Variants in EHBP1 observed in about 807,000 individuals in gnomAD.
The protein encoded by EHBP1 is EH domain-binding protein 1.
A neutral mutation model predicts 144.0 loss-of-function variants in EHBP1; 55 were observed. That is an observed-to-expected ratio of 0.38 (90% CI 0.31 to 0.48). EHBP1 has a LOEUF of 0.48. EHBP1 is among the 20% of genes least tolerant of loss of function. The pLI is 0.98. For synonymous variants in EHBP1, 469 were observed against 472.7 expected (o/e 0.99, Z 0.10); for missense variants, 1,200 against 1,364.2 (o/e 0.88, Z 1.90).
intron 2 of EHBP1, among the ~76,000 whole-genome samples, chr2:62,716,097 C>T (rs552377870): frequency 6.6e-6 from 1 of 152,254 alleles, no homozygotes; most frequent in South Asian, 2.1e-4. Flanking sequence ...TGGTTTCTTT[C>T]AGATCTTGAC....
At chr2:62,863,752 C>T (rs770477296) in intron 8 of EHBP1, among the ~76,000 whole-genome samples, 21 of 149,860 alleles carry the variant, frequency 1.4e-4, no homozygotes, top group Admixed American at 4.7e-4. Context: ...TCTGTGCTTA[C>T]GTAAATATCA....
At chr2:62,837,165 A>G (rs886206020) in intron 7 of EHBP1, among the ~76,000 whole-genome samples, 1 of 148,398 alleles carries the variant, frequency 6.7e-6, no homozygotes, top group Non-Finnish European at 1.5e-5. Flanking sequence ...ACAAGCCAGA[A>G]GAGAGTGGGG....
At chr2:62,960,902 T>G (rs1233153005) in intron 14 of EHBP1, among the ~76,000 whole-genome samples, 1 of 152,342 alleles carries the variant, frequency 6.6e-6, no homozygotes, top group East Asian at 1.9e-4. Context: ...AATCGTACAT[T>G]ATGATACCTT....
At chr2:62,794,407 G>A (rs776653705) in intron 5 of EHBP1, among the ~76,000 whole-genome samples, 1 of 151,970 alleles carries the variant, frequency 6.6e-6, no homozygotes, top group Non-Finnish European at 1.5e-5. Flanking sequence ...AGAATAGACA[G>A]CATTTTACAT....
chr2:62,746,419 A>G (rs1044022466), intron 2 of EHBP1, among the ~76,000 whole-genome samples: 4 of 152,022 alleles, frequency 2.6e-5, no homozygotes, highest in African/African-American at 9.7e-5. Context: ...ATTAAATGAA[A>G]TAGGAGGAAA....
chr2:62,863,842 T>TG (rs2049827419), intron 8 of EHBP1, among the ~76,000 whole-genome samples: 1 of 131,840 alleles, frequency 7.6e-6, no homozygotes, highest in Non-Finnish European at 1.6e-5. Context: ...TCTGTGTTGT[T>TG]TTTTTTTTTT....
At chr2:62,700,811 G>C (rs958377345), upstream of EHBP1, among the ~76,000 whole-genome samples, 2 of 152,180 alleles carry the variant, frequency 1.3e-5, no homozygotes, top group African/African-American at 4.8e-5. Context: ...CCATTGGACA[G>C]CCATGTAGAT....
chr2:62,978,447 C>T (rs765222335), intron 14 of EHBP1, among the ~76,000 whole-genome samples: 2 of 152,172 alleles, frequency 1.3e-5, no homozygotes, highest in African/African-American at 2.4e-5. Flanking sequence ...GTGATCCATC[C>T]GCTTTGGCCT....
chr2:62,775,572 A>G (rs2152387392), intron 5 of EHBP1, among the ~76,000 whole-genome samples: 1 of 152,336 alleles, frequency 6.6e-6, no homozygotes, highest in East Asian at 1.9e-4. Context: ...AATGTCCAGT[A>G]GTAGCATTAG....
At chr2:62,996,856 C>G (rs1574409774) in intron 19 of EHBP1, 90 bp downstream of exon 19, 1 of 1,544,042 alleles carries the variant, frequency 6.5e-7, no homozygotes, top group African/African-American at 1.4e-5. Context: ...TCTTTGAAGC[C>G]TGAATGTTCA....
intron 2 of EHBP1, among the ~76,000 whole-genome samples, chr2:62,728,434 A>G (rs2037055556): frequency 6.6e-6 from 1 of 152,140 alleles, no homozygotes; most frequent in South Asian, 2.1e-4. Context: ...TTAGCCATTT[A>G]AGTACATGTA....
chr2:62,820,737 AATAT>A (rs57039974), intron 5 of EHBP1, among the ~76,000 whole-genome samples: 4,830 of 54,426 alleles, frequency 0.089, 194 homozygotes, highest in African/African-American at 0.12. Context: ...GTGTGTGTAT[AATAT>A]ATATATATAT....
At chr2:62,925,856 A>G (rs1371854642) in intron 10 of EHBP1, among the ~76,000 whole-genome samples, 3 of 152,164 alleles carry the variant, frequency 2.0e-5, no homozygotes, top group South Asian at 2.1e-4. Context: ...TAAATGCAAT[A>G]TCTATCAAAA....
intron 2 of EHBP1, among the ~76,000 whole-genome samples, chr2:62,708,990 G>T (rs2034863555): frequency 6.6e-6 from 1 of 152,088 alleles, no homozygotes; most frequent in African/African-American, 2.4e-5. Flanking sequence ...AATGATTTGG[G>T]GATTATTCTG....
intron 1 of EHBP1, among the ~76,000 whole-genome samples, chr2:62,690,078 C>T (rs780484514): frequency 6.6e-6 from 1 of 152,188 alleles, no homozygotes; most frequent in Non-Finnish European, 1.5e-5. Flanking sequence ...GGCAGACCTG[C>T]TGAAGAGTAG....
intron 5 of EHBP1, among the ~76,000 whole-genome samples, chr2:62,804,130 A>T (rs1328990971): frequency 6.6e-6 from 1 of 152,174 alleles, no homozygotes; most frequent in African/African-American, 2.4e-5. Context: ...AAATGTAAAG[A>T]TGTGTCACCA....
intron 14 of EHBP1, among the ~76,000 whole-genome samples, chr2:62,960,718 T>C (rs113735413): frequency 3.3e-5 from 5 of 152,280 alleles, no homozygotes; most frequent in Non-Finnish European, 7.4e-5. Flanking sequence ...AACTTTGCTA[T>C]AAGGAGGTTC....
chr2:62,698,743 C>G (rs1472588170), intron 1 of EHBP1, among the ~76,000 whole-genome samples: 1 of 152,220 alleles, frequency 6.6e-6, no homozygotes, highest in Non-Finnish European at 1.5e-5. Context: ...AAAGAGAGGC[C>G]TGGAACAATA....
intron 19 of EHBP1, among the ~76,000 whole-genome samples, chr2:63,000,340 T>C (rs1250108233): frequency 6.6e-6 from 1 of 152,066 alleles, no homozygotes; most frequent in Non-Finnish European, 1.5e-5. Flanking sequence ...AAATCAGTGA[T>C]AGTTTGAATA....
Sources: allele counts gnomAD v4.1 joint callset (sites outside exome capture counted in the v4.1 genomes callset), GRCh38; gene constraint gnomAD v4.1.1; transcripts MANE v1.5; gene names NCBI Gene and HGNC (gene_info 2026-07-23, HGNC 2026-07-21).